Variants in NFASC observed in about 807,000 individuals in gnomAD.
NFASC encodes the protein neurofascin homolog.
In NFASC, 43 loss-of-function variants were observed where a neutral mutation model predicts 147.5. That is an observed-to-expected ratio of 0.29 (90% CI 0.23 to 0.38). The LOEUF is 0.38. Ranked by LOEUF, NFASC falls within the 10% of genes least tolerant of loss-of-function variation. The probability of loss-of-function intolerance (pLI) is 1.00; values close to 1 mark genes in which losing one functional copy is unlikely to be tolerated. For missense variants in NFASC, 1,320 were observed against 1,689.0 expected, an observed-to-expected ratio of 0.78 and a Z score of 3.83; for synonymous variants, 622 against 665.5, an observed-to-expected ratio of 0.93 and a Z score of 1.01.
intron 10 of NFASC, 79 bp downstream of exon 10, chr1:204,969,061 G>T: frequency 7.4e-7 from 1 of 1,352,666 alleles, no homozygotes. Flanking sequence ...GAGGGTGGTT[G>T]GGGGCAGAGT....
chr1:204,829,930 C>T (rs919165904), intron 1 of NFASC, among the ~76,000 whole-genome samples: 4 of 152,142 alleles, frequency 2.6e-5, no homozygotes, highest in Admixed American at 2.6e-4. Context: ...CACCTAGAAT[C>T]TGGTCCCCAT....
At chr1:204,966,793 G>A (rs747723150) in intron 8 of NFASC, among the ~76,000 whole-genome samples, 9 of 152,092 alleles carry the variant, frequency 5.9e-5, no homozygotes, top group African/African-American at 1.9e-4. Flanking sequence ...GCTGTATGCC[G>A]TGTATTGTAT....
chr1:204,842,789 G>A (rs1178347033), intron 1 of NFASC, among the ~76,000 whole-genome samples: 1 of 152,240 alleles, frequency 6.6e-6, no homozygotes, highest in African/African-American at 2.4e-5. Context: ...GGCTTTGATG[G>A]GTTTGACTGG....
At chr1:205,004,462 T>A (rs1339014848) in intron 27 of NFASC, among the ~76,000 whole-genome samples, 1 of 152,266 alleles carries the variant, frequency 6.6e-6, no homozygotes, top group Non-Finnish European at 1.5e-5. Context: ...CTGGCAAGTC[T>A]TCCCAGACTC....
rs1162551131 is a variant in NFASC, at chr1:204,975,228, G to T, written c.1559-43G>T. 6.4e-7 allele frequency: 1 copy of T among 1,567,980 alleles called. No homozygotes were observed. The highest frequency in any genetic ancestry group is 8.7e-7 in the Non-Finnish European group (1 of 1,155,172). Reference sequence around the variant, plus strand: ...CTTTGTGGCCGCATGGGGATGCTGGGCAGAGAACAGGCCAGTGGCGAGTGC... The same window carrying T: ...CTTTGTGGCCGCATGGGGATGCTGGTCAGAGAACAGGCCAGTGGCGAGTGC... On this transcript the variant is annotated intron_variant, in intron 14 of 29. Coordinates refer to ENST00000339876, the MANE Select transcript of NFASC (RefSeq NM_001005388.3). This position sits in a 1 kb window ranked among gnomAD's most constrained non-coding sequence, Gnocchi z 4.0.
rs1490738666 is a variant in NFASC at position 204,987,337 on chromosome 1, C to G, written c.2471-81C>G. 1.2e-5 allele frequency: 16 copies of G among 1,382,106 alleles called. No homozygotes were observed. The highest frequency in any genetic ancestry group is 2.9e-5 in the African/African-American group (2 of 69,916). 85.6% of individuals were successfully genotyped at this position (1,382,106 alleles called of 1,614,324 possible). A position where few individuals can be genotyped will look rare whatever the true frequency, so the allele number is the denominator to read the frequency against. On this transcript the variant is annotated intron_variant, in intron 21 of 29. Transcript: ENST00000339876. The surrounding 1 kb of genome is among the most constrained non-coding windows in gnomAD (Gnocchi z 4.4). The stretch of plus-strand genomic sequence containing the variant: ...TTGTCCAGAGGTCAATGCCTTCATA[C>G]TTGTGCTTTGTTTTTTGTGTTTTCC...
intron 1 of NFASC, among the ~76,000 whole-genome samples, chr1:204,918,584 C>CTTTT (rs71147720): frequency 2.4e-4 from 30 of 124,806 alleles, no homozygotes; most frequent in African/African-American, 6.5e-4. Flanking sequence ...TTCTTTGAAA[C>CTTTT]TTTTTTTTTT....
chr1:204,993,526 T>C (rs371718722), intron 24 of NFASC, among the ~76,000 whole-genome samples: 157 of 152,308 alleles, frequency 1.0e-3, no homozygotes, highest in East Asian at 7.5e-3. Context: ...TGGAAAACCC[T>C]TGGCCGCAGC....
At chr1:204,924,594 G>A (rs2091155591) in intron 2 of NFASC, among the ~76,000 whole-genome samples, 1 of 152,180 alleles carries the variant, frequency 6.6e-6, no homozygotes, top group African/African-American at 2.4e-5. Context: ...AGGAGAGAGG[G>A]GAGCCCAGAG....
rs561316527 is a variant in NFASC at position 204,953,359 on chromosome 1, C to T, written c.216-829C>T. ...TCCCCCAGACTGGAGTGCAGTGGTG[C>T]GATCTTGGCTCACTGCAAGCTCCAC... On this transcript the variant is annotated intron_variant, in intron 5 of 29. Coordinates refer to ENST00000339876, the MANE Select transcript of NFASC (RefSeq NM_001005388.3). Among the ~76,000 whole-genome samples, 20 of 152,318 alleles carry T rather than the reference C, an allele frequency of 1.3e-4. No individual in the cohort carries two copies. In the South Asian group the frequency reaches 1.5e-3, roughly 11 times the overall value.
chr1:204,831,574 G>T (rs1672240757), intron 1 of NFASC, among the ~76,000 whole-genome samples: 1 of 151,950 alleles, frequency 6.6e-6, no homozygotes, highest in South Asian at 2.1e-4. Flanking sequence ...GAGGCCAGAG[G>T]CACCCTGAGA....
chr1:204,998,560 G>C (rs2095899993), intron 25 of NFASC: 1 of 152,234 alleles, frequency 6.6e-6, no homozygotes, highest in Non-Finnish European at 1.5e-5. Flanking sequence ...TAGCTGCTGT[G>C]AGCTCCTGAG....
At chr1:204,920,858 T>G in intron 2 of NFASC, 118 bp downstream of exon 2, 1 of 411,984 alleles carries the variant, frequency 2.4e-6, no homozygotes, top group Non-Finnish European at 4.5e-6. Context: ...CCCAGGAATC[T>G]TCTGAGAGGC....
At chr1:204,956,805 G>A (rs7538403) in intron 7 of NFASC, among the ~76,000 whole-genome samples, 2,129 of 152,142 alleles carry the variant, frequency 0.014, 44 homozygotes, top group African/African-American at 0.048. Context: ...CAATTGTGGG[G>A]ATAGGAAGGA....
intron 1 of NFASC, among the ~76,000 whole-genome samples, chr1:204,841,803 G>C (rs987670718): frequency 3.3e-5 from 5 of 152,160 alleles, no homozygotes; most frequent in African/African-American, 1.2e-4. Context: ...CCCCCATCCT[G>C]AGGGGTCGGT....
At chr1:204,858,749 A>T (rs534080173) in intron 1 of NFASC, among the ~76,000 whole-genome samples, 1 of 152,060 alleles carries the variant, frequency 6.6e-6, no homozygotes, top group South Asian at 2.1e-4. Flanking sequence ...GACTGCCTGC[A>T]CCTGCTCCGT....
chr1:204,828,716 G>A lies in NFASC; in HGVS notation c.-266G>A, dbSNP rs1671312229. 1.0e-6 allele frequency: 1 copy of A among 985,674 alleles called. No homozygotes were observed. The highest frequency in any genetic ancestry group is 1.2e-6 in the Non-Finnish European group (1 of 830,180). 61.1% of individuals were successfully genotyped at this position (985,674 alleles called of 1,614,324 possible). On this transcript the variant is annotated 5_prime_UTR_variant, in exon 1 of 30. Transcript: ENST00000339876. ...GCGAGAGGCGCTGCAGGGGACGCGG[G>A]GGAAGTGGCGGCGCCGGCAGCGGAC...
chr1:204,904,950 C>T (rs1290832475), intron 1 of NFASC, among the ~76,000 whole-genome samples: 2 of 152,126 alleles, frequency 1.3e-5, no homozygotes, highest in African/African-American at 4.8e-5. Flanking sequence ...CCTACCACCC[C>T]CAACAAAAGC....
At chr1:204,882,429 C>T (rs1445357463) in intron 1 of NFASC, among the ~76,000 whole-genome samples, 2 of 152,064 alleles carry the variant, frequency 1.3e-5, no homozygotes, top group Admixed American at 6.5e-5. Context: ...TAAGCTATTC[C>T]CCCCCTCACC....
Sources: gnomAD v4.1 joint callset for allele counts (sites outside exome capture counted in the v4.1 genomes callset) on GRCh38, gnomAD v4.1.1 for gene constraint, Gnocchi (gnomAD v3.1) non-coding constraint, MANE v1.5 for transcripts, NCBI Gene and HGNC (gene_info 2026-07-23, HGNC 2026-07-21) for gene names.